FLNB: variants seen among roughly 807,000 people sequenced by gnomAD.
FLNB encodes the protein filamin-B.
In FLNB, 111 loss-of-function variants were observed where a neutral mutation model predicts 250.6. That is an observed-to-expected ratio of 0.44 (90% confidence interval 0.38 to 0.52). FLNB has a LOEUF of 0.52. Ranked by LOEUF, FLNB falls within the 20% of genes least tolerant of loss-of-function variation. The pLI is 0.00. For missense variants in FLNB, 2,869 were observed against 3,447.8 expected (o/e 0.83, Z 4.20); for synonymous variants, 1,302 against 1,372.1 (o/e 0.95, Z 1.13).
chr3:58,011,939 C>G (rs2097099471), intron 1 of FLNB, among the ~76,000 whole-genome samples: 1 of 152,142 alleles, frequency 6.6e-6, no homozygotes, highest in Admixed American at 6.5e-5. Flanking sequence ...GGCTGGATGC[C>G]GTGGCTCACG....
chr3:58,140,356 G>A (rs955040249), intron 29 of FLNB, among the ~76,000 whole-genome samples: 1 of 152,220 alleles, frequency 6.6e-6, no homozygotes, highest in African/African-American at 2.4e-5. Context: ...GCCATTGAAA[G>A]ATCTTCCTTC....
intron 1 of FLNB, among the ~76,000 whole-genome samples, chr3:58,031,676 T>C (rs145182846): frequency 0.031 from 4,462 of 143,544 alleles, 211 homozygotes; most frequent in African/African-American, 0.11. Flanking sequence ...CTCAGCCTCC[T>C]GAGTAGCTGG....
Position 58,170,973 on chromosome 3 carries a change from G to A in FLNB, c.*211G>A, listed in dbSNP as rs914957137. The A allele has an allele frequency of 1.8e-6, 1 of 564,276 alleles. No homozygotes were observed. The highest frequency in any genetic ancestry group is 3.2e-6 in the Non-Finnish European group (1 of 316,598). The allele number at this position is 564,276 out of a possible 1,614,324, so 35.0% of individuals were successfully genotyped here. On this transcript the variant is annotated 3_prime_UTR_variant, in exon 46 of 46. Coordinates refer to ENST00000295956, the MANE Select transcript of FLNB (RefSeq NM_001457.4). The stretch of plus-strand genomic sequence containing the variant: ...TTAAGAAATGCAAGCTTGTTCAGGG[G>A]GCTGAGAAGATCCTGAGTACACTAG...
intron 4 of FLNB, among the ~76,000 whole-genome samples, chr3:58,093,176 A>G (rs2097231158): frequency 6.6e-6 from 1 of 152,198 alleles, no homozygotes; most frequent in South Asian, 2.1e-4. Context: ...TGTGTAGTGA[A>G]GGATATGATA....
chr3:58,126,580 C>T, intron 23 of FLNB, 22 bp from the exon 24 acceptor site: 3 of 1,612,758 alleles, frequency 1.9e-6, no homozygotes, highest in Non-Finnish European at 2.5e-6. Context: ...GCACATTTCA[C>T]TTTCTTTTCC....
chr3:58,094,840 C>A lies in FLNB; in HGVS notation c.792C>A (p.Ile264=). The change falls in exon 5 of 46, where the codon ATC becomes ATA. Residue 264 remains isoleucine, a synonymous_variant. Transcript: ENST00000295956. The stretch of plus-strand genomic sequence containing the variant: ...GTCTGTGTAAACCTGTGGCAGGAAT[C>A]GAGCCCACTGGAAACATGGTGAAGC... The part of the protein sequence containing the change: ...PKKARAYGRG[I]EPTGNMVKQP... 2 of 1,613,622 alleles carry A rather than the reference C, an allele frequency of 1.2e-6. No individual in the cohort carries two copies. Among genetic ancestry groups the A allele is most frequent in the Non-Finnish European group, 1.7e-6 (2 of 1,179,660 alleles).
Position 58,109,326 on chromosome 3 carries a change from G to A in FLNB, c.2199+4G>A, listed in dbSNP as rs1167723303. The A allele has an allele frequency of 1.9e-6, 3 of 1,612,696 alleles. No individual in the cohort carries two copies. The highest frequency in any genetic ancestry group is 1.3e-5 in the African/African-American group (1 of 74,912). On this transcript the variant is annotated splice_donor_region_variant and intron_variant, in intron 14 of 45. Transcript: ENST00000295956. Reference sequence around the variant, plus strand: ...CATCCCGCACAGCCCCTACAGGGTAGGTTGTGAGGCAGAATCCTGGCTGTT... The same window carrying A: ...CATCCCGCACAGCCCCTACAGGGTAAGTTGTGAGGCAGAATCCTGGCTGTT...
intron 1 of FLNB, among the ~76,000 whole-genome samples, chr3:58,066,091 G>A (rs1335861872): frequency 6.6e-6 from 1 of 152,166 alleles, no homozygotes; most frequent in Non-Finnish European, 1.5e-5. Flanking sequence ...GGCAGCAACA[G>A]AATGAGTTTG....
At chr3:58,009,055 C>T (rs1165531323) in intron 1 of FLNB, among the ~76,000 whole-genome samples, 199 bp downstream of exon 1, 1 of 152,196 alleles carries the variant, frequency 6.6e-6, no homozygotes, top group Non-Finnish European at 1.5e-5. Flanking sequence ...TGTGATCGCT[C>T]CCCGCCATCC....
intron 1 of FLNB, among the ~76,000 whole-genome samples, chr3:58,058,349 T>G (rs1468683979): frequency 2.0e-5 from 3 of 152,152 alleles, no homozygotes; most frequent in Admixed American, 6.5e-5. Flanking sequence ...TCAGGACGAC[T>G]CCCTCTCTTT....
chr3:58,088,054 T>TG (rs950068858), intron 4 of FLNB, among the ~76,000 whole-genome samples: 12 of 149,750 alleles, frequency 8.0e-5, no homozygotes, highest in Non-Finnish European at 4.5e-5. Context: ...TTTTTTTTTT[T>TG]TTTTTTGCTG....
At chr3:58,090,574 C>T (rs1471625915) in intron 4 of FLNB, among the ~76,000 whole-genome samples, 1 of 152,106 alleles carries the variant, frequency 6.6e-6, no homozygotes, top group Admixed American at 6.6e-5. Flanking sequence ...GTTACTGTGA[C>T]GTCAGTAGGC....
intron 1 of FLNB, among the ~76,000 whole-genome samples, chr3:58,010,363 C>T (rs1559633730): frequency 6.6e-6 from 1 of 152,182 alleles, no homozygotes; most frequent in South Asian, 2.1e-4. Context: ...TCACCCTTCC[C>T]TTCCCCCACA....
intron 3 of FLNB, among the ~76,000 whole-genome samples, 155 bp downstream of exon 3, chr3:58,078,969 A>G (rs2097205380): frequency 6.6e-6 from 1 of 152,172 alleles, no homozygotes; most frequent in African/African-American, 2.4e-5. Context: ...TTTACCCATA[A>G]TAATAGTAGG....
At position 58,118,918 on chromosome 3, in the gene FLNB, A is replaced by C; in HGVS notation, c.2792A>C (p.Lys931Thr). 1 of 1,614,118 alleles carries C rather than the reference A, an allele frequency of 6.2e-7. No homozygotes were observed. ...LVTYGGDPIP[K>T]SPFTVGVAAP... ...ACTTACGGTGGCGATCCCATCCCTAAAAGCCCTTTCACTGTGGGTGTTGCT... is the reference window on the plus strand; with the variant it reads ...ACTTACGGTGGCGATCCCATCCCTACAAGCCCTTTCACTGTGGGTGTTGCT... Residue 931 changes from lysine to threonine, a missense_variant, in exon 19 of 46, where the codon AAA becomes ACA. Lys to Thr is a moderately conservative substitution (Grantham distance 78). Transcript: ENST00000295956.
chr3:58,077,035 T>A lies in FLNB; in HGVS notation c.293-11T>A. ...CCAAAGGAATGACCAAGCCTGTGCT[T>A]CTCTCCCCAGATAGCAAAGCCATTG... is the stretch of plus-strand genomic sequence containing the variant. On this transcript the variant is annotated splice_polypyrimidine_tract_variant and intron_variant, in intron 1 of 45. Coordinates refer to ENST00000295956, the MANE Select transcript of FLNB (RefSeq NM_001457.4). 6.2e-7 allele frequency: 1 copy of A among 1,614,080 alleles called. No individual in the cohort carries two copies. Among genetic ancestry groups the A allele is most frequent in the Non-Finnish European group, 8.5e-7 (1 of 1,179,962 alleles).
Position 58,126,818 on chromosome 3 carries a change from G to A in FLNB, c.4222+56G>A. ...AATAATTGATTTTGCAGGAAAATGGGTTTGATTTTGGTTATCTCTCTGAGT... is the reference window on the plus strand; with the variant it reads ...AATAATTGATTTTGCAGGAAAATGGATTTGATTTTGGTTATCTCTCTGAGT... On this transcript the variant is annotated intron_variant, in intron 24 of 45. Coordinates refer to ENST00000295956, the MANE Select transcript of FLNB (RefSeq NM_001457.4). The A allele has an allele frequency of 2.0e-6, 3 of 1,535,838 alleles. No homozygotes were observed. In the South Asian group the frequency reaches 3.4e-5, roughly 18 times the overall value.
At position 58,124,374 on chromosome 3, in the gene FLNB, G is replaced by C; in HGVS notation, c.3767G>C (p.Arg1256Pro). ...EATTDFTVDS[R>P]PLTQVGGDHI... Reference sequence around the variant, plus strand: ...ACCACCGACTTTACAGTTGACTCTCGGCCGCTGACCCAGGTTGGGGGTGAC... The same window carrying C: ...ACCACCGACTTTACAGTTGACTCTCCGCCGCTGACCCAGGTTGGGGGTGAC... Residue 1256 changes from arginine to proline, a missense_variant, in exon 22 of 46, where the codon CGG becomes CCG. By Grantham distance (103) the Arg-to-Pro change is moderately radical. Transcript: ENST00000295956. The C allele has an allele frequency of 6.2e-7, 1 of 1,614,166 alleles. No homozygotes were observed. Among genetic ancestry groups the C allele is most frequent in the Non-Finnish European group, 8.5e-7 (1 of 1,180,048 alleles).
At position 58,102,255 on chromosome 3, in the gene FLNB, C is replaced by T. The variant is rs369946402; in HGVS notation, c.1398C>T (p.Gly466=). 14 of 1,614,072 alleles carry T rather than the reference C, an allele frequency of 8.7e-6. No individual in the cohort carries two copies. Among genetic ancestry groups the T allele is most frequent in the Admixed American group, 3.3e-5 (2 of 60,010 alleles). The part of the protein sequence containing the change: ...RASGRGLQPK[G]VRIRETTDFK... The stretch of plus-strand genomic sequence containing the variant: ...GTGGCCGAGGCCTACAACCCAAAGG[C>T]GTCCGTATCCGGGAGACCACAGATT... The change falls in exon 9 of 46, where the codon GGC becomes GGT. Residue 466 remains glycine, a synonymous_variant. Coordinates refer to ENST00000295956, the MANE Select transcript of FLNB (RefSeq NM_001457.4).
Sources: gnomAD v4.1 joint callset for allele counts (sites outside exome capture counted in the v4.1 genomes callset) on GRCh38, gnomAD v4.1.1 for gene constraint, MANE v1.5 for transcripts, NCBI Gene and HGNC (gene_info 2026-07-23, HGNC 2026-07-21) for gene names.